CACNA1C: variants seen among roughly 807,000 people sequenced by gnomAD.
The protein encoded by CACNA1C is calcium voltage-gated channel subunit alpha1 C, also known as voltage-dependent L-type calcium channel subunit alpha-1C.
A neutral mutation model predicts 229.0 loss-of-function variants in CACNA1C; 30 were observed. That is an observed-to-expected ratio of 0.13 (90% CI 0.10 to 0.18). CACNA1C has a LOEUF of 0.18. CACNA1C is among the 10% of genes least tolerant of loss of function. CACNA1C has a pLI of 1.00. For synonymous variants in CACNA1C, 1,114 were observed against 1,132.5 expected (o/e 0.98, Z 0.33); for missense variants, 1,658 against 2,845.0 (o/e 0.58, Z 9.49).
chr12:2,362,268 G>C (rs1217558864), intron 3 of CACNA1C, among the ~76,000 whole-genome samples: 1 of 152,160 alleles, frequency 6.6e-6, no homozygotes, highest in East Asian at 1.9e-4. Flanking sequence ...TATGCAGCCT[G>C]TGTGTGCCTT....
intron 3 of CACNA1C, among the ~76,000 whole-genome samples, chr12:2,160,790 G>T (rs779421428): frequency 1.3e-5 from 2 of 152,116 alleles, no homozygotes; most frequent in Admixed American, 1.3e-4. Flanking sequence ...AAAGAGTATC[G>T]ATTTGGTATG....
chr12:2,411,905 T>C (rs1404169553), intron 3 of CACNA1C, among the ~76,000 whole-genome samples: 2 of 152,180 alleles, frequency 1.3e-5, no homozygotes, highest in Non-Finnish European at 1.5e-5. Flanking sequence ...ACAGGGGCCA[T>C]GAAAGGGGAA....
chr12:2,469,287 C>T (rs562129199), intron 5 of CACNA1C, among the ~76,000 whole-genome samples: 6 of 152,314 alleles, frequency 3.9e-5, no homozygotes, highest in African/African-American at 1.4e-4. Flanking sequence ...TCTGTCTTCA[C>T]TCAGACATGC....
chr12:2,480,894 T>G (rs1370418557), intron 5 of CACNA1C, among the ~76,000 whole-genome samples: 2 of 152,236 alleles, frequency 1.3e-5, no homozygotes, highest in African/African-American at 4.8e-5. Flanking sequence ...CAATGGAATC[T>G]AACGTTGGCA....
chr12:2,296,889 A>C (rs1371276121), intron 3 of CACNA1C, among the ~76,000 whole-genome samples: 6 of 152,318 alleles, frequency 3.9e-5, no homozygotes, highest in South Asian at 2.1e-4. Context: ...GGGAAGAGAA[A>C]ACTTTACCTG....
intron 4 of CACNA1C, among the ~76,000 whole-genome samples, chr12:2,457,140 G>C (rs1422176130): frequency 1.3e-5 from 2 of 152,250 alleles, no homozygotes; most frequent in African/African-American, 2.4e-5. Context: ...AAAGAGGGGG[G>C]GTATCTAGAA....
chr12:2,495,665 C>T (rs1419341739), intron 7 of CACNA1C, among the ~76,000 whole-genome samples: 2 of 152,180 alleles, frequency 1.3e-5, no homozygotes, highest in Non-Finnish European at 2.9e-5. Flanking sequence ...CCCTGGGGAG[C>T]GTGTGATAGT....
Position 2,492,038 on chromosome 12 carries a change from G to T in CACNA1C, c.917-1152G>T, listed in dbSNP as rs574845666. Among the ~76,000 whole-genome samples, 3 of 149,760 alleles carry T rather than the reference G, an allele frequency of 2.0e-5. No individual in the cohort carries two copies. The South Asian group carries it at 6.3e-4, about 32-fold the overall frequency. ...CATTGTTATAGGCAATCATTTATTT[G>T]TTGGAACTGGGGTCTCTTCTGTCTG... is the stretch of plus-strand genomic sequence containing the variant. On this transcript the variant is annotated intron_variant, in intron 6 of 46. Coordinates refer to ENST00000399655, the MANE Select transcript of CACNA1C (RefSeq NM_000719.7).
intron 3 of CACNA1C, among the ~76,000 whole-genome samples, chr12:2,129,186 G>A (rs777646082): frequency 6.6e-6 from 1 of 152,206 alleles, no homozygotes; most frequent in Non-Finnish European, 1.5e-5. Context: ...AGCTGGAAAC[G>A]GGATGAGACA....
chr12:2,041,982 T>C (rs1566011858), intron 1 of CACNA1C, among the ~76,000 whole-genome samples: 2 of 152,260 alleles, frequency 1.3e-5, no homozygotes, highest in Non-Finnish European at 2.9e-5. Context: ...AGTTTCATGA[T>C]AATTTTAAAT....
intron 30 of CACNA1C, among the ~76,000 whole-genome samples, chr12:2,642,714 A>G (rs895725538): frequency 2.0e-5 from 3 of 152,098 alleles, no homozygotes; most frequent in African/African-American, 7.2e-5. Flanking sequence ...GGCATAAGGA[A>G]TTCTTTGATG....
rs1385308187 is a variant in CACNA1C, at chr12:2,354,842, G to A, written c.478-94134G>A. On this transcript the variant is annotated intron_variant, in intron 3 of 46. Transcript: ENST00000399655. This position sits in a 1 kb window ranked among gnomAD's most constrained non-coding sequence, Gnocchi z 4.6. Reference sequence around the variant, plus strand: ...TCTCCACCTTCCAGGCTTAGCTGGAGTAACCATTTCAGAGCTGGTCGTTTC... The same window carrying A: ...TCTCCACCTTCCAGGCTTAGCTGGAATAACCATTTCAGAGCTGGTCGTTTC... Among the ~76,000 whole-genome samples, 1 of 152,200 alleles carries A rather than the reference G, an allele frequency of 6.6e-6. No homozygotes were observed. Among genetic ancestry groups the A allele is most frequent in the Non-Finnish European group, 1.5e-5 (1 of 68,042 alleles).
intron 4 of CACNA1C, among the ~76,000 whole-genome samples, chr12:2,450,361 TG>T (rs1400662264): frequency 6.6e-6 from 1 of 151,686 alleles, no homozygotes; most frequent in Admixed American, 6.6e-5. Context: ...GAGACCATCC[TG>T]GCTAACACGG....
intron 1 of CACNA1C, among the ~76,000 whole-genome samples, chr12:2,098,549 C>G (rs1477597434): frequency 6.6e-6 from 1 of 152,160 alleles, no homozygotes; most frequent in African/African-American, 2.4e-5. Context: ...ATTTCAGAGC[C>G]TTTTACTAAT....
chr12:2,322,940 G>A (rs558969559), intron 3 of CACNA1C, among the ~76,000 whole-genome samples: 3 of 152,268 alleles, frequency 2.0e-5, no homozygotes, highest in Admixed American at 6.5e-5. Flanking sequence ...GCTGCACCAC[G>A]CTGTCCCGAC....
In CACNA1C at chr12:2,646,985, C is replaced by T. The variant is rs1298662092; in HGVS notation, c.3913-1490C>T. On this transcript the variant is annotated intron_variant, in intron 30 of 46. Coordinates refer to ENST00000399655, the MANE Select transcript of CACNA1C (RefSeq NM_000719.7). This position sits in a 1 kb window ranked among gnomAD's most constrained non-coding sequence, Gnocchi z 4.6. Reference sequence around the variant, plus strand: ...GTAAAGCCTAGAGAAGTGTCCCTTTCTTTCTCCTCCCTCACCTCACCCTAT... The same window carrying T: ...GTAAAGCCTAGAGAAGTGTCCCTTTTTTTCTCCTCCCTCACCTCACCCTAT... 6.6e-6 allele frequency among the ~76,000 whole-genome samples: 1 copy of T among 151,946 alleles called. No homozygotes were observed. The highest frequency in any genetic ancestry group is 1.5e-5 in the Non-Finnish European group (1 of 67,988).
intron 3 of CACNA1C, among the ~76,000 whole-genome samples, chr12:2,322,892 G>C (rs944313077): frequency 3.9e-5 from 6 of 152,200 alleles, no homozygotes; most frequent in African/African-American, 1.4e-4. Context: ...CTCCACAAAC[G>C]TGAGTGGTTG....
chr12:2,418,668 G>A (rs112551336), intron 3 of CACNA1C, among the ~76,000 whole-genome samples: 1,851 of 152,312 alleles, frequency 0.012, 37 homozygotes, highest in African/African-American at 0.042. Context: ...CAAGTAAAAT[G>A]AGTTTCAAAG....
chr12:2,463,949 C>A (rs1180392031), intron 5 of CACNA1C, among the ~76,000 whole-genome samples: 1 of 152,102 alleles, frequency 6.6e-6, no homozygotes, highest in Non-Finnish European at 1.5e-5. Flanking sequence ...GCCAGATGAA[C>A]CATAGGGAGA....
Sources: gnomAD v4.1 joint callset for allele counts (sites outside exome capture counted in the v4.1 genomes callset) on GRCh38, gnomAD v4.1.1 for gene constraint, Gnocchi (gnomAD v3.1) non-coding constraint, MANE v1.5 for transcripts, NCBI Gene and HGNC (gene_info 2026-07-23, HGNC 2026-07-21) for gene names.